TSHZ3: variants seen among roughly 807,000 people sequenced by gnomAD.
TSHZ3 encodes teashirt homolog 3.
In TSHZ3, 10 loss-of-function variants were observed where a neutral mutation model predicts 64.5. The observed-to-expected ratio is 0.16, with a 90% CI of 0.10 to 0.26. TSHZ3 has a LOEUF of 0.26. Among genes scored for constraint, TSHZ3 ranks in the 10% least tolerant of loss-of-function variants. TSHZ3 has a pLI of 1.00. For synonymous variants in TSHZ3, 608 were observed against 593.1 expected (o/e 1.03, Z -0.36); for missense variants, 1,242 against 1,421.7 (o/e 0.87, Z 2.03).
chr19:31,282,059 CG>C (rs1405180000), intron 1 of TSHZ3, among the ~76,000 whole-genome samples: 16 of 152,168 alleles, frequency 1.1e-4, no homozygotes, highest in African/African-American at 3.6e-4. Context: ...ATAATCCTCT[CG>C]GGGAACAGCT....
chr19:31,313,454 T>C (rs1423975549), intron 1 of TSHZ3, among the ~76,000 whole-genome samples: 1 of 151,640 alleles, frequency 6.6e-6, no homozygotes, highest in Non-Finnish European at 1.5e-5. Context: ...CAGCGAGGAG[T>C]CTGAGCTACA....
intron 5 of TSHZ3, among the ~76,000 whole-genome samples, chr19:31,193,718 C>G (rs1974946393): frequency 6.6e-6 from 1 of 152,100 alleles, no homozygotes; most frequent in South Asian, 2.1e-4. Flanking sequence ...AGCACACAGT[C>G]ACATACATTA....
chr19:31,311,569 C>T (rs1213657508), intron 1 of TSHZ3, among the ~76,000 whole-genome samples: 3 of 152,158 alleles, frequency 2.0e-5, no homozygotes, highest in Non-Finnish European at 4.4e-5. Context: ...AGGTGCTGCA[C>T]TGTGAAGGGA....
intron 3 of TSHZ3, among the ~76,000 whole-genome samples, chr19:31,231,094 GATAATATATTA>G (rs1276534434): frequency 6.6e-6 from 1 of 151,990 alleles, no homozygotes; most frequent in African/African-American, 2.4e-5. Flanking sequence ...TAATGCAGAT[GATAATATATTA>G]ATAGAAAACT....
Position 31,276,786 on chromosome 19 carries a change from G to T in TSHZ3, c.3007C>A (p.Leu1003Ile), listed in dbSNP as rs1190773113. The T allele has an allele frequency of 6.2e-7, 1 of 1,614,188 alleles. No individual in the cohort carries two copies. Residue 1003 changes from leucine to isoleucine, a missense_variant, in exon 2 of 2, where the codon CTA becomes ATA. Physicochemically the swap from Leu to Ile is conservative, Grantham distance 5. Around this residue, in one of 4 missense-constraint regions of TSHZ3, gnomAD observed 126 missense variants for 140.6 expected, o/e 0.90. Transcript: ENST00000240587. ...SHLESHLGFR[L>I]RDLSKLSTEQ... ...GTGGACAGTTTGGATAAGTCCCGTA[G>T]CCGGAAGCCTAAGTGTGACTCTAGG...
chr19:31,202,915 G>C (rs1047001092), intron 5 of TSHZ3, among the ~76,000 whole-genome samples: 8 of 152,190 alleles, frequency 5.3e-5, no homozygotes, highest in Non-Finnish European at 7.3e-5. Context: ...CAGGCATAGT[G>C]CCAGGAGATG....
upstream of TSHZ3, chr19:31,349,479 G>A (rs1321936022): frequency 1.0e-5 from 4 of 381,792 alleles, no homozygotes; most frequent in South Asian, 8.9e-5. Context: ...AGCACGGGGG[G>A]GAGGAGGAGG....
chr19:31,243,445 C>A (rs1193942401), intron 1 of TSHZ3, among the ~76,000 whole-genome samples: 2 of 152,360 alleles, frequency 1.3e-5, no homozygotes, highest in African/African-American at 2.4e-5. Flanking sequence ...CATCCACTCA[C>A]CCCTGTGTAG....
chr19:31,330,120 CTT>C (rs113308669), intron 1 of TSHZ3, among the ~76,000 whole-genome samples: 5 of 145,190 alleles, frequency 3.4e-5, no homozygotes, highest in Non-Finnish European at 4.6e-5. Context: ...GGTCAAGATC[CTT>C]TTTTTTTTTT....
At chr19:31,179,833 G>GTGC (rs1568338997) in intron 5 of TSHZ3, among the ~76,000 whole-genome samples, 1 of 151,574 alleles carries the variant, frequency 6.6e-6, no homozygotes, top group African/African-American at 2.4e-5. Flanking sequence ...GATGGAGGTG[G>GTGC]TGGTGGTGGT....
intron 1 of TSHZ3, among the ~76,000 whole-genome samples, chr19:31,256,376 G>A (rs1253999181): frequency 6.6e-6 from 1 of 152,108 alleles, no homozygotes; most frequent in Non-Finnish European, 1.5e-5. Flanking sequence ...TCCAGGTGCA[G>A]TAGACAGAGA....
chr19:31,323,062 A>T (rs764139401), intron 1 of TSHZ3, among the ~76,000 whole-genome samples: 28 of 152,284 alleles, frequency 1.8e-4, no homozygotes, highest in Middle Eastern at 3.4e-3. Context: ...TTGGTATTGT[A>T]TTTGGCAACC....
rs771527630 is a variant in TSHZ3 at position 31,279,331 on chromosome 19, A to ACTG, written c.459_461dup (p.Ser159dup). The ACTG allele has an allele frequency of 1.7e-5, 27 of 1,612,474 alleles. No individual in the cohort carries two copies. The highest frequency in any genetic ancestry group is 5.5e-5 in the South Asian group (5 of 90,986). Reference sequence around the variant, plus strand: ...CGCTGCCACAGCTGCTGCTGCTGCTACTGCTGCTGCTGCTGCTGCCGTTGT... The same window carrying ACTG: ...CGCTGCCACAGCTGCTGCTGCTGCTACTGCTGCTGCTGCTGCTGCTGCCGTTGT... On this transcript the variant is annotated inframe_insertion, in exon 2 of 2. Coordinates refer to ENST00000240587, the MANE Select transcript of TSHZ3 (RefSeq NM_020856.4). This position sits in a 1 kb window ranked among gnomAD's most constrained non-coding sequence, Gnocchi z 6.4.
chr19:31,308,354 T>A (rs1009590710), intron 1 of TSHZ3: 1 of 289,806 alleles, frequency 3.5e-6, no homozygotes, highest in African/African-American at 2.2e-5. Flanking sequence ...ATAAAAATCA[T>A]GGCAAGGGTT....
intron 1 of TSHZ3, among the ~76,000 whole-genome samples, chr19:31,307,909 C>G (rs1916345505): frequency 6.6e-6 from 1 of 152,098 alleles, no homozygotes; most frequent in South Asian, 2.1e-4. Flanking sequence ...CTCCACTTGG[C>G]AGAAACTTGT....
intron 1 of TSHZ3, among the ~76,000 whole-genome samples, chr19:31,245,585 TGACAACTGCACTATCA>T (rs1975749293): frequency 6.6e-6 from 1 of 152,212 alleles, no homozygotes; most frequent in Admixed American, 6.5e-5. Flanking sequence ...AAGCTACATC[TGACAACTGCACTATCA>T]GATGGGAGCT....
intron 5 of TSHZ3, among the ~76,000 whole-genome samples, chr19:31,191,911 G>T (rs1399963022): frequency 6.6e-6 from 1 of 151,996 alleles, no homozygotes; most frequent in African/African-American, 2.4e-5. Context: ...TTCTTCTTTT[G>T]TATCTTCTTT....
At chr19:31,271,253 T>G (rs1357989078), downstream of TSHZ3, among the ~76,000 whole-genome samples, 2 of 152,166 alleles carry the variant, frequency 1.3e-5, no homozygotes, top group Non-Finnish European at 2.9e-5. Context: ...AGTTCCAGGG[T>G]TCGCTGGCCT....
At chr19:31,253,155 C>T (rs929678915) in intron 1 of TSHZ3, among the ~76,000 whole-genome samples, 4 of 152,130 alleles carry the variant, frequency 2.6e-5, no homozygotes, top group African/African-American at 7.2e-5. Flanking sequence ...GAGGTATCCT[C>T]GTGCAAATCC....
Sources: allele counts gnomAD v4.1 joint callset (sites outside exome capture counted in the v4.1 genomes callset), GRCh38; gene constraint gnomAD v4.1.1; regional missense constraint gnomAD v4.1.1; non-coding constraint Gnocchi (gnomAD v3.1); transcripts MANE v1.5; gene names NCBI Gene and HGNC (gene_info 2026-07-23, HGNC 2026-07-21).